The following CIT variants were observed in gnomAD, a reference collection of about 807,000 sequenced individuals.
CIT encodes the protein citron rho-interacting serine/threonine kinase.
CIT carries 79 observed loss-of-function variants against 272.7 expected under a neutral mutation model. The ratio of observed to expected loss-of-function variants is 0.29; its 90% CI spans 0.24 to 0.35. CIT has a LOEUF of 0.35. Among genes scored for constraint, CIT ranks in the 10% least tolerant of loss-of-function variants. The pLI is 1.00. For missense variants in CIT, 1,909 were observed against 2,618.3 expected, an observed-to-expected ratio of 0.73 and a Z score of 5.91; for synonymous variants, 948 against 995.6, an observed-to-expected ratio of 0.95 and a Z score of 0.90.
chr12:119,710,431 T>TC lies in CIT; in HGVS notation c.4936-46dup, dbSNP rs1441063322. On this transcript the variant is annotated intron_variant, in intron 38 of 47. Coordinates refer to ENST00000392521, the MANE Select transcript of CIT (RefSeq NM_001206999.2). This position sits in a 1 kb window ranked among gnomAD's most constrained non-coding sequence, Gnocchi z 5.6. ...AAGGCAGAACATAAGCACGGTCACGTCACCAGAACAATCTCTAGTAAGAGC... is the reference window on the plus strand; with the variant it reads ...AAGGCAGAACATAAGCACGGTCACGTCCACCAGAACAATCTCTAGTAAGAGC... 2.5e-6 allele frequency: 4 copies of TC among 1,613,260 alleles called. No homozygotes were observed. The highest frequency in any genetic ancestry group is 3.4e-6 in the Non-Finnish European group (4 of 1,179,602).
At chr12:119,751,345 T>C (rs1226545013) in intron 23 of CIT, among the ~76,000 whole-genome samples, 1 of 148,094 alleles carries the variant, frequency 6.8e-6, no homozygotes, top group Admixed American at 6.8e-5. Flanking sequence ...GGTCAGTCTC[T>C]GTGGGAATGA....
intron 46 of CIT, among the ~76,000 whole-genome samples, chr12:119,691,060 T>C (rs1170578455): frequency 6.6e-6 from 1 of 150,786 alleles, no homozygotes; most frequent in African/African-American, 2.4e-5. Flanking sequence ...TAGTCCCAGC[T>C]ACTCAGGAGG....
At chr12:119,698,697 T>A (rs1047314515) in intron 44 of CIT, among the ~76,000 whole-genome samples, 1 of 152,172 alleles carries the variant, frequency 6.6e-6, no homozygotes, top group Non-Finnish European at 1.5e-5. Context: ...CAAGGTACAC[T>A]GCTCAGTGCA....
In CIT at chr12:119,793,167, C is replaced by A. The variant is rs117758322; in HGVS notation, c.1296-8102G>T. Among the ~76,000 whole-genome samples, 1,185 of 152,026 alleles carry A rather than the reference C, an allele frequency of 7.8e-3. 5 individuals carry two copies. Among genetic ancestry groups the A allele is most frequent in the Non-Finnish European group, 0.013 (880 of 67,992 alleles). On this transcript the variant is annotated intron_variant, in intron 10 of 47. Transcript: ENST00000392521. ...CACACCACACATACTCATATACATA[C>A]ACACATATGCACTCACACACACAAC...
In CIT at chr12:119,718,432, C is replaced by T. The variant is rs1290924328; in HGVS notation, c.4004-23G>A. 4.4e-6 allele frequency: 7 copies of T among 1,590,652 alleles called. No homozygotes were observed. The highest frequency in any genetic ancestry group is 3.4e-5 in the South Asian group (3 of 88,398). On this transcript the variant is annotated intron_variant, in intron 31 of 47. Transcript: ENST00000392521. This position sits in a 1 kb window ranked among gnomAD's most constrained non-coding sequence, Gnocchi z 4.8. The stretch of plus-strand genomic sequence containing the variant: ...CAGCTGCAGAGAGACCAGGACAATG[C>T]CTTTTGGTTAGCTGGGTCGCCTAGA...
chr12:119,712,623 C>A lies in CIT; in HGVS notation c.4652G>T (p.Gly1551Val), dbSNP rs1957225683. The change falls in exon 36 of 48, where the codon GGT becomes GTT. Residue 1551 changes from glycine (G) to valine (V), a missense_variant. Physicochemically the swap from Gly to Val is moderately radical, Grantham distance 109 (BLOSUM62 -3). Around this residue, in one of 8 missense-constraint regions of CIT, gnomAD observed 780 missense variants for 1,067.2 expected, o/e 0.73. Coordinates refer to ENST00000392521, the MANE Select transcript of CIT (RefSeq NM_001206999.2). The surrounding 1 kb of genome is among the most constrained non-coding windows in gnomAD (Gnocchi z 5.2). The part of the protein sequence containing the change: ...DGDVSIHGAV[G>V]ASELANTAKA... ...GGCTGTATTTGCGAGTTCGGAAGCA[C>A]CAACGGCACCATGAATAGATACATC... 5 of 1,614,178 alleles carry A rather than the reference C, an allele frequency of 3.1e-6. No individual in the cohort carries two copies. Among genetic ancestry groups the A allele is most frequent in the Non-Finnish European group, 4.2e-6 (5 of 1,180,040 alleles).
intron 3 of CIT, among the ~76,000 whole-genome samples, chr12:119,866,056 T>C (rs968738440): frequency 6.6e-6 from 1 of 152,072 alleles, no homozygotes; most frequent in Non-Finnish European, 1.5e-5. Context: ...CACACTGCCC[T>C]GACCCCTTTG....
intron 3 of CIT, among the ~76,000 whole-genome samples, chr12:119,862,828 AAAAAAAAAAAAAG>A (rs1950388796): frequency 7.3e-6 from 1 of 136,932 alleles, no homozygotes; most frequent in African/African-American, 3.0e-5. Context: ...AAAAAAAAAA[AAAAAAAAAAAAAG>A]AAAAAACCAA....
chr12:119,749,656 T>C (rs1262457521), intron 23 of CIT, among the ~76,000 whole-genome samples: 1 of 152,192 alleles, frequency 6.6e-6, no homozygotes. Context: ...GCCCTGTTTT[T>C]TCCACAGCAT....
chr12:119,729,839 G>A (rs1288867042), intron 27 of CIT, among the ~76,000 whole-genome samples: 3 of 152,192 alleles, frequency 2.0e-5, no homozygotes, highest in East Asian at 1.9e-4. Context: ...GAAAAAGAGT[G>A]TCTATGTATG....
In CIT at chr12:119,810,837, T is replaced by C. The variant is rs203359; in HGVS notation, c.1112-7448A>G. Among the ~76,000 whole-genome samples, 1,378 of 152,056 alleles carry C rather than the reference T, an allele frequency of 9.1e-3. 20 individuals carry two copies. The highest frequency in any genetic ancestry group is 0.032 in the African/African-American group (1,309 of 41,460). The stretch of plus-strand genomic sequence containing the variant: ...ATGGGAAGAAGAGGAAGATATCCCA[T>C]ATCGAAGTCTCATGGGAATGAACGA... On this transcript the variant is annotated intron_variant, in intron 9 of 47. Coordinates refer to ENST00000392521, the MANE Select transcript of CIT (RefSeq NM_001206999.2).
intron 22 of CIT, 77 bp from the exon 23 acceptor site, chr12:119,752,324 T>G: frequency 7.4e-7 from 1 of 1,347,820 alleles, no homozygotes; most frequent in East Asian, 2.5e-5. Flanking sequence ...AGACATGACC[T>G]GCTACTCAAC....
chr12:119,850,080 G>T (rs538494230), intron 5 of CIT, 94 bp downstream of exon 5: 14 of 839,456 alleles, frequency 1.7e-5, no homozygotes, highest in African/African-American at 3.4e-5. Context: ...GCATGAATGA[G>T]ACCACATGGG....
At chr12:119,720,363 A>T in intron 30 of CIT, 115 bp downstream of exon 30, 1 of 719,270 alleles carries the variant, frequency 1.4e-6, no homozygotes, top group Non-Finnish European at 2.3e-6. Flanking sequence ...AACAACAAAA[A>T]AAGTATACTT....
At chr12:119,816,828 G>A (rs1481494983) in intron 9 of CIT, among the ~76,000 whole-genome samples, 1 of 152,196 alleles carries the variant, frequency 6.6e-6, no homozygotes, top group Non-Finnish European at 1.5e-5. Flanking sequence ...GCCCCCAAGG[G>A]GAGACTGGGC....
intron 16 of CIT, among the ~76,000 whole-genome samples, chr12:119,775,354 C>T (rs972096394): frequency 1.3e-5 from 2 of 152,098 alleles, no homozygotes; most frequent in Non-Finnish European, 2.9e-5. Flanking sequence ...TGCTATAAAC[C>T]AAATCCACGC....
intron 26 of CIT, among the ~76,000 whole-genome samples, chr12:119,731,075 C>T (rs1050091356): frequency 1.3e-5 from 2 of 151,404 alleles, no homozygotes; most frequent in South Asian, 2.1e-4. Context: ...TGCAGTGAGC[C>T]GAGATCACAC....
At chr12:119,778,646 C>G (rs929811765) in intron 13 of CIT, among the ~76,000 whole-genome samples, 1 of 152,104 alleles carries the variant, frequency 6.6e-6, no homozygotes, top group East Asian at 1.9e-4. Context: ...GGTGACGCCC[C>G]CCCCCCAGAG....
rs141732959 is a variant in CIT, at chr12:119,819,410, A to G, written c.1111+3410T>C. ...CAGTGTCAAAGCAAAGGCGCATCCT[A>G]GTTTCTCTCGGTAGCCACTCCCAGT... On this transcript the variant is annotated intron_variant, in intron 9 of 47. Coordinates refer to ENST00000392521, the MANE Select transcript of CIT (RefSeq NM_001206999.2). Among the ~76,000 whole-genome samples, 183 of 152,200 alleles carry G rather than the reference A, an allele frequency of 1.2e-3. 1 individual carries two copies. The East Asian group carries it at 0.033, about 28-fold the overall frequency.
Sources: gnomAD v4.1 joint callset for allele counts (sites outside exome capture counted in the v4.1 genomes callset) on GRCh38, gnomAD v4.1.1 for gene constraint, gnomAD v4.1.1 regional missense constraint, Gnocchi (gnomAD v3.1) non-coding constraint, MANE v1.5 for transcripts, NCBI Gene and HGNC (gene_info 2026-07-23, HGNC 2026-07-21) for gene names.